CRPPA: variants seen among roughly 807,000 people sequenced by gnomAD.
CRPPA encodes the protein CDP-L-ribitol pyrophosphorylase A.
A neutral mutation model predicts 52.0 loss-of-function variants in CRPPA; 43 were observed. The ratio of observed to expected loss-of-function variants is 0.83; its 90% CI spans 0.65 to 1.07. The LOEUF is 1.07. Among genes scored for constraint, CRPPA ranks in the 50% least tolerant of loss-of-function variants. The pLI, the probability that CRPPA is intolerant of heterozygous loss-of-function variation, is 0.00. For missense variants in CRPPA, 629 were observed against 551.7 expected (o/e 1.14, Z -1.40); for synonymous variants, 250 against 203.5 (o/e 1.23, Z -1.94).
intron 8 of CRPPA, among the ~76,000 whole-genome samples, chr7:16,234,433 T>C (rs976191651): frequency 9.2e-5 from 14 of 152,142 alleles, no homozygotes; most frequent in East Asian, 1.9e-4. Context: ...TAGACAATTT[T>C]GAAATAAAAA....
At chr7:16,270,681 T>TA (rs1784070522) in intron 6 of CRPPA, 1 of 152,196 alleles carries the variant, frequency 6.6e-6, no homozygotes, top group East Asian at 1.9e-4. Flanking sequence ...TGTTCACAGT[T>TA]AGAGGCGCAA....
chr7:16,098,989 T>C (rs898284135), intron 9 of CRPPA, among the ~76,000 whole-genome samples: 5 of 152,172 alleles, frequency 3.3e-5, no homozygotes, highest in African/African-American at 1.2e-4. Context: ...ATTAACATAA[T>C]CATCGCACAA....
chr7:16,286,774 T>A (rs1297935741), intron 5 of CRPPA, among the ~76,000 whole-genome samples: 1 of 152,178 alleles, frequency 6.6e-6, no homozygotes, highest in African/African-American at 2.4e-5. Flanking sequence ...CTCTCTCAAA[T>A]ATATATCAAC....
chr7:16,137,893 G>A (rs1782791823), intron 9 of CRPPA, among the ~76,000 whole-genome samples: 1 of 151,998 alleles, frequency 6.6e-6, no homozygotes, highest in South Asian at 2.1e-4. Flanking sequence ...TACAATAAAT[G>A]CTTGTAATTA....
chr7:16,121,144 CAG>C (rs1409528608), intron 9 of CRPPA, among the ~76,000 whole-genome samples: 3 of 152,008 alleles, frequency 2.0e-5, no homozygotes, highest in Non-Finnish European at 4.4e-5. Flanking sequence ...GAGTCCAAAC[CAG>C]AATTGAAATC....
At chr7:16,108,657 T>C (rs1353853449) in intron 9 of CRPPA, among the ~76,000 whole-genome samples, 2 of 151,816 alleles carry the variant, frequency 1.3e-5, no homozygotes, top group African/African-American at 4.8e-5. Flanking sequence ...AGAATACATA[T>C]TCTTCTCAAG....
At chr7:16,307,611 TGGA>T (rs1315708796) in intron 4 of CRPPA, among the ~76,000 whole-genome samples, 20 of 126,954 alleles carry the variant, frequency 1.6e-4, no homozygotes, top group Admixed American at 1.0e-4. Flanking sequence ...AATTTGGAGG[TGGA>T]GGTTACAATG....
intron 8 of CRPPA, among the ~76,000 whole-genome samples, chr7:16,245,120 T>C (rs1156613518): frequency 6.6e-6 from 1 of 151,938 alleles, no homozygotes; most frequent in Non-Finnish European, 1.5e-5. Context: ...TCAGACAGAA[T>C]GACAGAGAAC....
At chr7:16,313,049 G>C (rs1785067159) in intron 3 of CRPPA, among the ~76,000 whole-genome samples, 2 of 151,806 alleles carry the variant, frequency 1.3e-5, no homozygotes, top group Non-Finnish European at 2.9e-5. Flanking sequence ...CACCTTTTTT[G>C]TATGGTTTAT....
intron 9 of CRPPA, among the ~76,000 whole-genome samples, chr7:16,115,758 G>C (rs1245256648): frequency 1.3e-5 from 2 of 152,180 alleles, no homozygotes; most frequent in African/African-American, 4.8e-5. Context: ...AAGGCAACAT[G>C]AAGGAGCTCC....
chr7:16,299,567 A>T (rs1200731318), intron 5 of CRPPA, among the ~76,000 whole-genome samples: 1 of 152,152 alleles, frequency 6.6e-6, no homozygotes, highest in Non-Finnish European at 1.5e-5. Flanking sequence ...CAGAGCAGTG[A>T]TCCTCAAAGT....
intron 2 of CRPPA, among the ~76,000 whole-genome samples, chr7:16,400,112 C>G (rs981312259): frequency 3.3e-5 from 5 of 152,148 alleles, no homozygotes; most frequent in African/African-American, 1.2e-4. Flanking sequence ...GAGTGTGATA[C>G]ATGACCAACA....
At chr7:16,334,325 C>A (rs1785627641) in intron 3 of CRPPA, among the ~76,000 whole-genome samples, 1 of 152,118 alleles carries the variant, frequency 6.6e-6, no homozygotes, top group Non-Finnish European at 1.5e-5. Flanking sequence ...TCAAACTAAG[C>A]CCTGGTGTTC....
At chr7:16,241,430 A>T (rs1420949214) in intron 8 of CRPPA, among the ~76,000 whole-genome samples, 4 of 152,108 alleles carry the variant, frequency 2.6e-5, no homozygotes, top group African/African-American at 9.7e-5. Flanking sequence ...TTGTATATAC[A>T]AGCAGAGAAA....
chr7:16,236,593 C>T (rs1256670057), intron 8 of CRPPA, among the ~76,000 whole-genome samples: 1 of 152,066 alleles, frequency 6.6e-6, no homozygotes, highest in Non-Finnish European at 1.5e-5. Flanking sequence ...TCAGGCTTTC[C>T]AAAACCTGCA....
intron 3 of CRPPA, among the ~76,000 whole-genome samples, chr7:16,328,578 G>T (rs1785470630): frequency 1.3e-5 from 2 of 152,064 alleles, no homozygotes; most frequent in African/African-American, 4.8e-5. Flanking sequence ...GCAGTGGTGT[G>T]ATCTTGGCTC....
intron 3 of CRPPA, among the ~76,000 whole-genome samples, chr7:16,340,763 C>T (rs1489744977): frequency 1.3e-5 from 2 of 151,914 alleles, no homozygotes; most frequent in Non-Finnish European, 2.9e-5. Flanking sequence ...TAATGTTTAC[C>T]CAAAAGAGTT....
At chr7:16,348,979 C>A (rs1786082576) in intron 3 of CRPPA, among the ~76,000 whole-genome samples, 1 of 152,190 alleles carries the variant, frequency 6.6e-6, no homozygotes, top group African/African-American at 2.4e-5. Context: ...GGACATATAA[C>A]AGGACCCCTT....
chr7:16,232,838 A>G (rs1289697529), intron 8 of CRPPA, among the ~76,000 whole-genome samples: 1 of 152,174 alleles, frequency 6.6e-6, no homozygotes, highest in Non-Finnish European at 1.5e-5. Flanking sequence ...CAAACCTTTT[A>G]AAAAGCAGAA....
Sources: allele counts gnomAD v4.1 joint callset (sites outside exome capture counted in the v4.1 genomes callset), GRCh38; gene constraint gnomAD v4.1.1; transcripts MANE v1.5; gene names NCBI Gene and HGNC (gene_info 2026-07-23, HGNC 2026-07-21).